The following KIFAP3 variants were observed in gnomAD, a reference collection of about 807,000 sequenced individuals.
KIFAP3 encodes kinesin-associated protein 3.
A neutral mutation model predicts 106.5 loss-of-function variants in KIFAP3; 68 were observed. That is an observed-to-expected ratio of 0.64 (90% CI 0.53 to 0.78). KIFAP3 has a LOEUF of 0.78. Among genes scored for constraint, KIFAP3 ranks in the 30% least tolerant of loss-of-function variants. The pLI, the probability that KIFAP3 is intolerant of heterozygous loss-of-function variation, is 0.00. For synonymous variants in KIFAP3, 320 were observed against 311.5 expected (o/e 1.03, Z -0.29); for missense variants, 780 against 941.8 (o/e 0.83, Z 2.25).
At chr1:170,077,211 A>G (rs1671935808), upstream of KIFAP3, among the ~76,000 whole-genome samples, 2 of 152,382 alleles carry the variant, frequency 1.3e-5, no homozygotes, top group South Asian at 2.1e-4. Context: ...ACCAATCAGC[A>G]GGATGTGGGC....
At chr1:169,986,114 C>T (rs1037639031) in intron 11 of KIFAP3, among the ~76,000 whole-genome samples, 1 of 151,682 alleles carries the variant, frequency 6.6e-6, no homozygotes, top group Admixed American at 6.6e-5. Flanking sequence ...TGGATTCATG[C>T]CTTCATGAAT....
rs60580320 is a variant in KIFAP3, at chr1:170,046,210, CAAAAAA to C, written c.319+496_319+501del. Among the ~76,000 whole-genome samples the C allele has an allele frequency of 6.7e-4, 38 of 56,930 alleles. 1 individual carries two copies. The highest frequency in any genetic ancestry group is 2.4e-3 in the African/African-American group (36 of 14,736). 37.3% of individuals were successfully genotyped at this position (56,930 alleles called of 152,430 possible). A position where few individuals can be genotyped will look rare whatever the true frequency, so the allele number is the denominator to read the frequency against. On this transcript the variant is annotated intron_variant, in intron 3 of 19. Transcript: ENST00000361580. The stretch of plus-strand genomic sequence containing the variant: ...CCAGATTAAACCTTTTTCTCTGCTG[CAAAAAA>C]AAAAAAAAAAAAAGGAAACAGAGAA...
chr1:170,021,503 G>T (rs1668823948), intron 9 of KIFAP3, among the ~76,000 whole-genome samples: 1 of 135,708 alleles, frequency 7.4e-6, no homozygotes, highest in Non-Finnish European at 1.5e-5. Flanking sequence ...GCAGTGACAT[G>T]ATCTCCGCTC....
At chr1:170,081,461 C>T (rs1330377) in intron 1 of KIFAP3, among the ~76,000 whole-genome samples, 116,094 of 152,118 alleles carry the variant, frequency 0.76, 44,743 homozygotes, top group East Asian at 0.99. Flanking sequence ...GCAATGAATC[C>T]CACTGAGTTA....
chr1:169,972,917 T>C (rs1209568740), intron 16 of KIFAP3, among the ~76,000 whole-genome samples: 3 of 151,382 alleles, frequency 2.0e-5, no homozygotes, highest in East Asian at 3.9e-4. Context: ...GGAAGCTCTA[T>C]AGTTGTGTAG....
intron 8 of KIFAP3, among the ~76,000 whole-genome samples, chr1:170,027,541 C>A (rs1318939038): frequency 6.6e-6 from 1 of 151,950 alleles, no homozygotes; most frequent in Non-Finnish European, 1.5e-5. Flanking sequence ...TCACTGAAAA[C>A]TACAATGCTT....
At chr1:169,966,635 T>C (rs570294891) in intron 17 of KIFAP3, among the ~76,000 whole-genome samples, 2 of 151,930 alleles carry the variant, frequency 1.3e-5, no homozygotes, top group South Asian at 4.1e-4. Context: ...AAAATGCCTA[T>C]AAAAACTTTA....
chr1:169,976,430 T>C (rs1558212275), intron 16 of KIFAP3, among the ~76,000 whole-genome samples: 1 of 146,882 alleles, frequency 6.8e-6, no homozygotes, highest in East Asian at 2.0e-4. Context: ...TCAGAGAACC[T>C]TTTTTTTTTC....
intron 2 of KIFAP3, among the ~76,000 whole-genome samples, chr1:170,049,619 G>A (rs1369497655): frequency 6.6e-6 from 1 of 152,208 alleles, no homozygotes; most frequent in Non-Finnish European, 1.5e-5. Flanking sequence ...CTCCCTCTGG[G>A]ACGAAGCTTC....
intron 11 of KIFAP3, among the ~76,000 whole-genome samples, chr1:169,990,812 C>T (rs1373991063): frequency 6.6e-6 from 1 of 151,812 alleles, no homozygotes; most frequent in Non-Finnish European, 1.5e-5. Context: ...ACATATCTAG[C>T]CACTGAATCA....
Position 169,980,366 on chromosome 1 carries a change from T to A in KIFAP3, c.1798+1606A>T, listed in dbSNP as rs184992527. On this transcript the variant is annotated intron_variant, in intron 15 of 19. Transcript: ENST00000361580. The stretch of plus-strand genomic sequence containing the variant: ...ATCTCATATTAGCATTTTTAACTTC[T>A]ATACTATTCGCTAGTTATGATGTGT... Among the ~76,000 whole-genome samples, 10 of 152,298 alleles carry A rather than the reference T, an allele frequency of 6.6e-5. No individual in the cohort carries two copies. The East Asian group carries it at 1.7e-3, about 26-fold the overall frequency.
At chr1:170,084,104 C>T (rs1449355213) in intron 1 of KIFAP3, among the ~76,000 whole-genome samples, 1 of 152,154 alleles carries the variant, frequency 6.6e-6, no homozygotes, top group East Asian at 1.9e-4. Flanking sequence ...CAATGATACA[C>T]CAACATGGCT....
chr1:169,997,594 GAC>G (rs908390622), intron 10 of KIFAP3, among the ~76,000 whole-genome samples: 3 of 152,008 alleles, frequency 2.0e-5, no homozygotes, highest in African/African-American at 7.2e-5. Flanking sequence ...TGTTTGGCCG[GAC>G]ACAGAGGTTC....
At chr1:169,927,742 G>A (rs1425325228) in intron 19 of KIFAP3, among the ~76,000 whole-genome samples, 2 of 152,152 alleles carry the variant, frequency 1.3e-5, no homozygotes, top group East Asian at 3.8e-4. Flanking sequence ...GCAACAGAGA[G>A]GAGTGGCTGA....
In KIFAP3 at chr1:169,940,788, T is replaced by C. The variant is rs191602438; in HGVS notation, c.2273+13223A>G. Reference sequence around the variant, plus strand: ...TAAAATAATACAATTAGAATAAAGATTGTGTATGTCACTGAAGTCAGCATT... The same window carrying C: ...TAAAATAATACAATTAGAATAAAGACTGTGTATGTCACTGAAGTCAGCATT... On this transcript the variant is annotated intron_variant, in intron 19 of 19. Transcript: ENST00000361580. Among the ~76,000 whole-genome samples the C allele has an allele frequency of 9.9e-4, 150 of 152,246 alleles. 1 individual carries two copies. The highest frequency in any genetic ancestry group is 3.5e-3 in the African/African-American group (145 of 41,536).
chr1:169,973,108 T>TATATAC (rs1666012752), intron 16 of KIFAP3, among the ~76,000 whole-genome samples: 3 of 136,948 alleles, frequency 2.2e-5, no homozygotes, highest in Admixed American at 1.5e-4. Context: ...ATAGTGTGTA[T>TATATAC]ATATATATAT....
At chr1:169,954,373 T>C (rs766182255) in intron 18 of KIFAP3, among the ~76,000 whole-genome samples, 4 of 152,092 alleles carry the variant, frequency 2.6e-5, no homozygotes, top group Admixed American at 6.6e-5. Flanking sequence ...AATTAGTCTC[T>C]GCCTTCAAGC....
Position 169,923,513 on chromosome 1 carries a change from C to T in KIFAP3, c.2274-1732G>A, listed in dbSNP as rs549801038. Among the ~76,000 whole-genome samples, 7 of 152,304 alleles carry T rather than the reference C, an allele frequency of 4.6e-5. No homozygotes were observed. In the South Asian group the frequency reaches 1.4e-3, roughly 32 times the overall value. On this transcript the variant is annotated intron_variant, in intron 19 of 19. Coordinates refer to ENST00000361580, the MANE Select transcript of KIFAP3 (RefSeq NM_014970.4). The stretch of plus-strand genomic sequence containing the variant: ...CTTGGATTTCAACTTGTTCCTTCTT[C>T]ATCTTTTGCTTATTACCTGTCTTCA...
In KIFAP3 at chr1:169,921,889, A is replaced by G. The variant is rs1662846054; in HGVS notation, c.2274-108T>C. ...CACCAAGATTCTCTTCCTAGCAGGGATAGTGATTTAGGTGGATATCATTAA... is the reference window on the plus strand; with the variant it reads ...CACCAAGATTCTCTTCCTAGCAGGGGTAGTGATTTAGGTGGATATCATTAA... On this transcript the variant is annotated intron_variant, in intron 19 of 19. Coordinates refer to ENST00000361580, the MANE Select transcript of KIFAP3 (RefSeq NM_014970.4). The G allele has an allele frequency of 6.3e-6, 5 of 796,556 alleles. No individual in the cohort carries two copies. In the South Asian group the frequency reaches 6.4e-5, roughly 10 times the overall value. 49.3% of individuals were successfully genotyped at this position (796,556 alleles called of 1,614,324 possible). A position where few individuals can be genotyped will look rare whatever the true frequency, so the allele number is the denominator to read the frequency against.
Sources: gnomAD v4.1 joint callset for allele counts (sites outside exome capture counted in the v4.1 genomes callset) on GRCh38, gnomAD v4.1.1 for gene constraint, MANE v1.5 for transcripts, NCBI Gene and HGNC (gene_info 2026-07-23, HGNC 2026-07-21) for gene names.